The following SLC12A4 variants were observed in gnomAD, a reference collection of about 807,000 sequenced individuals.
SLC12A4 encodes the protein electroneutral potassium-chloride cotransporter 1.
SLC12A4 carries 84 observed loss-of-function variants against 119.2 expected under a neutral mutation model. That is an observed-to-expected ratio of 0.70 (90% CI 0.59 to 0.85). The LOEUF (loss-of-function observed/expected upper bound fraction) is 0.85. Among genes scored for constraint, SLC12A4 ranks in the 40% least tolerant of loss-of-function variants. The pLI is 0.00. For synonymous variants in SLC12A4, 599 were observed against 604.6 expected (o/e 0.99, Z 0.14); for missense variants, 1,298 against 1,476.3 (o/e 0.88, Z 1.98).
Position 67,944,898 on chromosome 16 carries a change from A to G in SLC12A4, c.3200T>C (p.Leu1067Pro). 1 of 1,613,552 alleles carries G rather than the reference A, an allele frequency of 6.2e-7. No individual in the cohort carries two copies. The highest frequency in any genetic ancestry group is 8.5e-7 in the Non-Finnish European group (1 of 1,180,020). ...MEFLEVLTEG[L>P]ERVLLVRGGG... The stretch of plus-strand genomic sequence containing the variant: ...ACCGCGCACCAACAGCACCCGCTCA[A>G]GGCCCTCGGTCAGCACCTCGAGGAA... Residue 1067 changes from leucine (L) to proline (P), a missense_variant, in exon 24 of 24, where the codon CTT (leucine) becomes CCT (proline). Leu to Pro is a moderately conservative substitution (Grantham distance 98). Coordinates refer to ENST00000316341, the MANE Select transcript of SLC12A4 (RefSeq NM_005072.5). This position sits in a 1 kb window ranked among gnomAD's most constrained non-coding sequence, Gnocchi z 6.6.
chr16:67,964,751 T>TTCTTGA (rs2030783827), intron 1 of SLC12A4, among the ~76,000 whole-genome samples: 1 of 152,212 alleles, frequency 6.6e-6, no homozygotes, highest in South Asian at 2.1e-4. Context: ...GCCAACCTTT[T>TTCTTGA]CTGTTTACAT....
At chr16:67,958,651 T>C (rs1338289460) in intron 3 of SLC12A4, among the ~76,000 whole-genome samples, 1 of 152,046 alleles carries the variant, frequency 6.6e-6, no homozygotes, top group Non-Finnish European at 1.5e-5. Flanking sequence ...CTCTGTTGTC[T>C]TGTAATCCAG....
Position 67,943,541 on chromosome 16 carries a change from T to C in SLC12A4, c.*1299A>G. On this transcript the variant is annotated 3_prime_UTR_variant, in exon 24 of 24. Transcript: ENST00000316341. The surrounding 1 kb of genome is among the most constrained non-coding windows in gnomAD (Gnocchi z 4.6). Reference sequence around the variant, plus strand: ...CAGATAGGTCTGGGGGCATGGGGGCTGGGCCTAATAGGGGCCGGGCATGGA... The same window carrying C: ...CAGATAGGTCTGGGGGCATGGGGGCCGGGCCTAATAGGGGCCGGGCATGGA... 1 of 504,914 alleles carries C rather than the reference T, an allele frequency of 2.0e-6. No individual in the cohort carries two copies. The highest frequency in any genetic ancestry group is 3.6e-6 in the Non-Finnish European group (1 of 275,772). 31.3% of individuals were successfully genotyped at this position (504,914 alleles called of 1,614,324 possible). A position where few individuals can be genotyped will look rare whatever the true frequency, so the allele number is the denominator to read the frequency against.
At position 67,961,578 on chromosome 16, in the gene SLC12A4, G is replaced by A. The variant is rs766621650; in HGVS notation, c.339C>T (p.Ala113=). 60 of 1,612,932 alleles carry A rather than the reference G, an allele frequency of 3.7e-5. No homozygotes were observed. The highest frequency in any genetic ancestry group is 4.5e-5 in the Non-Finnish European group (53 of 1,179,960). Residue 113 remains alanine (A), a synonymous_variant, in exon 3 of 24, where the codon GCC becomes GCT. Coordinates refer to ENST00000316341, the MANE Select transcript of SLC12A4 (RefSeq NM_005072.5). ...TCTGCCGCCCCAACCAGCTCACCTC[G>A]GCTGCCCTCCGGCGGGTGCCCTCCC... ...ESGEGTRRRA[A]EAPSMGTLMG... is the part of the protein sequence containing the mutation.
At position 67,954,672 on chromosome 16, in the gene SLC12A4, A is replaced by G. The variant is rs780942192; in HGVS notation, c.646T>C (p.Tyr216His). 2 of 1,614,230 alleles carry G rather than the reference A, an allele frequency of 1.2e-6. No homozygotes were observed. Among genetic ancestry groups the G allele is most frequent in the Non-Finnish European group, 1.7e-6 (2 of 1,180,038 alleles). Residue 216 changes from tyrosine (Y) to histidine (H), a missense_variant, in exon 6 of 24, where the codon TAC (tyrosine) becomes CAC (histidine). Coordinates refer to ENST00000316341, the MANE Select transcript of SLC12A4 (RefSeq NM_005072.5). Reference sequence around the variant, plus strand: ...AAGATCTCGATGGCCCCCAGGATGTACATGGCTGCTGCGAATGTTGTTCCC... The same window carrying G: ...AAGATCTCGATGGCCCCCAGGATGTGCATGGCTGCTGCGAATGTTGTTCCC... The part of the protein sequence containing the change: ...YLGTTFAAAM[Y>H]ILGAIEILLT...
chr16:67,947,726 T>C lies in SLC12A4; in HGVS notation c.1910A>G (p.Tyr637Cys). The change falls in exon 15 of 24, where the codon TAT becomes TGT. Residue 637 changes from tyrosine (Y) to cysteine (C), a missense_variant. Physicochemically the swap from Tyr to Cys is radical, Grantham distance 194. Transcript: ENST00000316341. The part of the protein sequence containing the change: ...LALMFVSSWY[Y>C]ALVAMLIAGM... ...GGCGATGAGCATGGCCACCAGGGCA[T>C]AGTACCAGGAGGAGACAAACATAAG... is the stretch of plus-strand genomic sequence containing the variant. The C allele has an allele frequency of 6.2e-7, 1 of 1,600,728 alleles. No homozygotes were observed. The highest frequency in any genetic ancestry group is 8.5e-7 in the Non-Finnish European group (1 of 1,173,910).
Position 67,968,566 on chromosome 16 carries a change from GC to G in SLC12A4, c.-14del. 6.8e-7 allele frequency: 1 copy of G among 1,480,146 alleles called. No individual in the cohort carries two copies. 91.7% of individuals were successfully genotyped at this position (1,480,146 alleles called of 1,614,324 possible). A position where few individuals can be genotyped will look rare whatever the true frequency, so the allele number is the denominator to read the frequency against. On this transcript the variant is annotated 5_prime_UTR_variant, in exon 1 of 24. Transcript: ENST00000316341. The stretch of plus-strand genomic sequence containing the variant: ...TGAAGTGAGGCATCGTGCGGGCTCG[GC>G]CCCGCCGCACCCGCCGTCCCAGCCG...
rs200354362 is a variant in SLC12A4, at chr16:67,944,867, G to C, written c.3231C>G (p.Gly1077=). 15 of 1,613,198 alleles carry C rather than the reference G, an allele frequency of 9.3e-6. No homozygotes were observed. The African/African-American group carries it at 2.0e-4, about 21-fold the overall frequency. ...AGGAGTAGATGGTGATGACTTCACG[G>C]CCACCACCGCGCACCAACAGCACCC... The part of the protein sequence containing the change: ...LERVLLVRGG[G]REVITIYS The change falls in exon 24 of 24, where the codon GGC becomes GGG. Residue 1077 remains glycine (G), a synonymous_variant. Transcript: ENST00000316341. This position sits in a 1 kb window ranked among gnomAD's most constrained non-coding sequence, Gnocchi z 6.6.
Position 67,948,116 on chromosome 16 carries a change from C to T in SLC12A4, c.1792G>A (p.Val598Met), listed in dbSNP as rs372214394. ...TTGGGGGTCCTCAGGAGTGTCTGCA[C>T]CGCACAGGCGAGGTTCACGAACAGG... ...CYLFVNLACA[V>M]QTLLRTPNWR... Residue 598 changes from valine to methionine, a missense_variant, in exon 14 of 24, where the codon GTG becomes ATG. Val to Met is a conservative substitution (Grantham distance 21). Transcript: ENST00000316341. The T allele has an allele frequency of 3.1e-6, 5 of 1,613,170 alleles. No homozygotes were observed. The African/African-American group carries it at 6.7e-5, about 22-fold the overall frequency.
At chr16:67,963,387 G>A in intron 2 of SLC12A4, 78 bp downstream of exon 2, 2 of 863,202 alleles carry the variant, frequency 2.3e-6, no homozygotes, top group Middle Eastern at 2.6e-4. Flanking sequence ...AGACAGAGGA[G>A]GCCCACGTGT....
intron 1 of SLC12A4, chr16:67,966,622 G>A (rs2030878932): frequency 9.2e-6 from 11 of 1,202,128 alleles, no homozygotes; most frequent in Non-Finnish European, 1.3e-5. Context: ...GGATGAGCAA[G>A]CCCATCTAGG....
At chr16:67,967,229 C>T (rs954410083) in intron 1 of SLC12A4, among the ~76,000 whole-genome samples, 2 of 152,224 alleles carry the variant, frequency 1.3e-5, no homozygotes, top group Admixed American at 6.5e-5. Flanking sequence ...AGCCATCATT[C>T]ACATTGGGCA....
chr16:67,945,484 A>C lies in SLC12A4; in HGVS notation c.2917T>G (p.Ser973Ala). 2 of 1,613,808 alleles carry C rather than the reference A, an allele frequency of 1.2e-6. No homozygotes were observed. Among genetic ancestry groups the C allele is most frequent in the Non-Finnish European group, 1.7e-6 (2 of 1,179,976 alleles). Residue 973 changes from serine (S) to alanine (A), a missense_variant, in exon 22 of 24, where the codon TCT (serine) becomes GCT (alanine). By Grantham distance (99) the Ser-to-Ala change is moderately conservative (BLOSUM62 1). Transcript: ENST00000316341. ...ESLYSDEEDE[S>A]AVGADKIQMT... is the part of the protein sequence containing the mutation. ...TGGATCTTGTCAGCCCCCACTGCAG[A>C]CTCATCTTCCTCGTCCGAGTACAGG... is the stretch of plus-strand genomic sequence containing the variant.
At chr16:67,964,018 C>G (rs558804043) in intron 1 of SLC12A4, 1 of 1,551,076 alleles carries the variant, frequency 6.4e-7, no homozygotes, top group East Asian at 2.4e-5. Context: ...ACAGCACCTT[C>G]GGCTGCCATG....
chr16:67,945,812 C>A lies in SLC12A4; in HGVS notation c.2799G>T (p.Ser933=). 2 of 1,613,926 alleles carry A rather than the reference C, an allele frequency of 1.2e-6. No individual in the cohort carries two copies. The highest frequency in any genetic ancestry group is 2.7e-5 in the African/African-American group (2 of 75,068). The change falls in exon 21 of 24, where the codon TCG becomes TCT. Residue 933 remains serine, a synonymous_variant. Transcript: ENST00000316341. ...YERTLMMEQR[S]QMLRQMRLTK... is the part of the protein sequence containing the mutation. Reference sequence around the variant, plus strand: ...TCAGTCTCATCTGCCGCAGCATCTGCGACCGCTGCTCCATCATCAGCGTCC... The same window carrying A: ...TCAGTCTCATCTGCCGCAGCATCTGAGACCGCTGCTCCATCATCAGCGTCC...
intron 1 of SLC12A4, among the ~76,000 whole-genome samples, chr16:67,964,754 G>C (rs2030784227): frequency 1.3e-5 from 2 of 152,170 alleles, no homozygotes; most frequent in Admixed American, 1.3e-4. Flanking sequence ...AACCTTTTCT[G>C]TTTACATAGG....
Position 67,950,989 on chromosome 16 carries a change from G to A in SLC12A4, c.1369C>T (p.Leu457=), listed in dbSNP as rs1434301844. The change falls in exon 10 of 24, where the codon CTG becomes TTG. Residue 457 remains leucine (L), a synonymous_variant. Transcript: ENST00000316341. This position sits in a 1 kb window ranked among gnomAD's most constrained non-coding sequence, Gnocchi z 4.3. ...AQKSIPVGTI[L]AIITTSLVYF... ...ACGAGGGAAGTTGTAATGATGGCCA[G>A]AATGGTCCCCACAGGGATAGACTTC... The A allele has an allele frequency of 5.0e-6, 8 of 1,613,770 alleles. No homozygotes were observed. Among genetic ancestry groups the A allele is most frequent in the Non-Finnish European group, 5.9e-6 (7 of 1,180,012 alleles).
At chr16:67,947,553 C>G in intron 15 of SLC12A4, 116 bp downstream of exon 15, 1 of 1,498,500 alleles carries the variant, frequency 6.7e-7, no homozygotes, top group South Asian at 1.3e-5. Context: ...GAGTTACAGT[C>G]CCCAGTCCTG....
chr16:67,947,167 C>G, intron 16 of SLC12A4, 62 bp from the exon 17 acceptor site: 1 of 1,531,808 alleles, frequency 6.5e-7, no homozygotes. Flanking sequence ...AGCCCCTCCT[C>G]TTCTTCCCTT....
Sources: allele counts gnomAD v4.1 joint callset (sites outside exome capture counted in the v4.1 genomes callset), GRCh38; gene constraint gnomAD v4.1.1; non-coding constraint Gnocchi (gnomAD v3.1); transcripts MANE v1.5; gene names NCBI Gene and HGNC (gene_info 2026-07-23, HGNC 2026-07-21).